The following PAK1 variants were observed in gnomAD, a reference collection of about 807,000 sequenced individuals.
PAK1 encodes the protein serine/threonine-protein kinase PAK 1.
PAK1 carries 29 observed loss-of-function variants against 67.4 expected under a neutral mutation model. That is an observed-to-expected ratio of 0.43 (90% CI 0.32 to 0.59). PAK1 has a LOEUF of 0.59. Among genes scored for constraint, PAK1 ranks in the 20% least tolerant of loss-of-function variants. The pLI, the probability that PAK1 is intolerant of heterozygous loss-of-function variation, is 0.07. For missense variants in PAK1, 337 were observed against 670.7 expected (o/e 0.50, Z 5.50); for synonymous variants, 223 against 237.4 (o/e 0.94, Z 0.56).
At chr11:77,512,070 CTGCTAACA>C in the PAK1 span, among the ~76,000 whole-genome samples, 33 of 152,288 alleles carry the variant, frequency 2.2e-4, no homozygotes, top group South Asian at 4.1e-3. Flanking sequence ...AGAGTCGATA[CTGCTAACA>C]TGGGAAGGGT....
the PAK1 span, among the ~76,000 whole-genome samples, chr11:77,524,141 T>A: frequency 6.6e-6 from 1 of 152,348 alleles, no homozygotes; most frequent in African/African-American, 2.4e-5. Flanking sequence ...TACACCTTTA[T>A]CAAGAAAAGA....
intron 1 of PAK1, among the ~76,000 whole-genome samples, chr11:77,447,466 A>G (rs1216616921): frequency 6.6e-6 from 1 of 152,116 alleles, no homozygotes; most frequent in Admixed American, 6.6e-5. Context: ...GCAGCTTTTC[A>G]TCCCTTTTTA....
the PAK1 span, among the ~76,000 whole-genome samples, chr11:77,498,495 CACAT>C: frequency 6.7e-6 from 1 of 148,732 alleles, no homozygotes; most frequent in African/African-American, 2.6e-5. Flanking sequence ...CACACACACA[CACAT>C]GGTGCCACGG....
chr11:77,343,707 G>T lies in PAK1; in HGVS notation c.998+112C>A, dbSNP rs1235343308. 3 of 705,448 alleles carry T rather than the reference G, an allele frequency of 4.3e-6. No individual in the cohort carries two copies. In the African/African-American group the frequency reaches 5.3e-5, roughly 13 times the overall value. The allele number at this position is 705,448 out of a possible 1,614,324, so 43.7% of individuals were successfully genotyped here. On this transcript the variant is annotated intron_variant, in intron 10 of 14. Coordinates refer to ENST00000356341, the MANE Select transcript of PAK1 (RefSeq NM_002576.5). Reference sequence around the variant, plus strand: ...ATACAGAGAGCTCAGCATCACAGAAGACTCATAAATGGAGGCAGTTCTGAG... The same window carrying T: ...ATACAGAGAGCTCAGCATCACAGAATACTCATAAATGGAGGCAGTTCTGAG...
At chr11:77,450,256 T>C (rs1956796688) in intron 1 of PAK1, among the ~76,000 whole-genome samples, 1 of 152,210 alleles carries the variant, frequency 6.6e-6, no homozygotes, top group Non-Finnish European at 1.5e-5. Flanking sequence ...TGTTTTCTCA[T>C]AACCCTGGAC....
chr11:77,353,824 A>C (rs1945621403), intron 7 of PAK1, among the ~76,000 whole-genome samples: 1 of 152,154 alleles, frequency 6.6e-6, no homozygotes, highest in Non-Finnish European at 1.5e-5. Context: ...CTAAACTCCT[A>C]AAAGTCATTC....
intron 1 of PAK1, among the ~76,000 whole-genome samples, chr11:77,393,003 T>C (rs1291845589): frequency 6.6e-6 from 1 of 152,208 alleles, no homozygotes; most frequent in African/African-American, 2.4e-5. Flanking sequence ...AGTTACACTT[T>C]CCCTCTTGGG....
chr11:77,508,949 C>T, the PAK1 span, among the ~76,000 whole-genome samples: 6 of 144,390 alleles, frequency 4.2e-5, no homozygotes, highest in African/African-American at 5.0e-5. Context: ...CGTGAGCCAC[C>T]GCGCCCGGCC....
rs749891343 is a variant in PAK1 at position 77,392,327 on chromosome 11, A to G, written c.190+4T>C. 6.4e-7 allele frequency: 1 copy of G among 1,562,754 alleles called. No individual in the cohort carries two copies. Among genetic ancestry groups the G allele is most frequent in the South Asian group, 1.2e-5 (1 of 85,644 alleles). On this transcript the variant is annotated splice_donor_region_variant and intron_variant, in intron 2 of 14. Transcript: ENST00000356341. The stretch of plus-strand genomic sequence containing the variant: ...AATGATGAGAAGAAAATCAAATACT[A>G]TACTTTTATCTCCAGGTAAAATGGA...
chr11:77,499,147 A>AG, the PAK1 span, among the ~76,000 whole-genome samples: 285 of 151,984 alleles, frequency 1.9e-3, 1 homozygote, highest in African/African-American at 6.3e-3. Flanking sequence ...AAAAAAAAAA[A>AG]AGAGAAGGAT....
chr11:77,475,262 T>C (rs1157796641), upstream of PAK1: 1 of 152,244 alleles, frequency 6.6e-6, no homozygotes, highest in Non-Finnish European at 1.5e-5. Flanking sequence ...ACACCAAGTC[T>C]TGTAGCTTCT....
intron 1 of PAK1, among the ~76,000 whole-genome samples, chr11:77,459,719 G>C (rs991313021): frequency 2.7e-4 from 39 of 143,386 alleles, no homozygotes; most frequent in Non-Finnish European, 5.0e-4. Context: ...TTGAGACGGA[G>C]TCTCGCTCTT....
intron 1 of PAK1, among the ~76,000 whole-genome samples, chr11:77,436,725 G>A (rs1956145617): frequency 6.6e-6 from 1 of 152,322 alleles, no homozygotes; most frequent in Admixed American, 6.5e-5. Context: ...GCGTGGGAAA[G>A]CACATATGCA....
chr11:77,344,134 T>A (rs536294449), intron 9 of PAK1, among the ~76,000 whole-genome samples: 1 of 152,154 alleles, frequency 6.6e-6, no homozygotes, highest in Admixed American at 6.6e-5. Context: ...TGGGAGCTTG[T>A]TGGAAATAAA....
the PAK1 span, among the ~76,000 whole-genome samples, chr11:77,519,160 G>A: frequency 3.3e-5 from 5 of 152,066 alleles, no homozygotes; most frequent in Admixed American, 1.3e-4. Context: ...ATTTTTTATG[G>A]TTAGTTCATT....
intron 1 of PAK1, among the ~76,000 whole-genome samples, chr11:77,402,666 A>C (rs1239837376): frequency 6.6e-6 from 1 of 152,128 alleles, no homozygotes; most frequent in Non-Finnish European, 1.5e-5. Context: ...GGAAACAATG[A>C]AATCTATCGT....
the PAK1 span, among the ~76,000 whole-genome samples, chr11:77,526,970 A>C: frequency 1.3e-5 from 2 of 151,726 alleles, no homozygotes; most frequent in African/African-American, 4.8e-5. Flanking sequence ...TTTTCTGGAG[A>C]GTGAGACTGG....
chr11:77,381,607 T>C (rs1388462297), intron 2 of PAK1, among the ~76,000 whole-genome samples: 1 of 152,254 alleles, frequency 6.6e-6, no homozygotes, highest in Non-Finnish European at 1.5e-5. Context: ...TTGCCATGTA[T>C]ACAAACCATG....
At chr11:77,417,248 G>C (rs749798538) in intron 1 of PAK1, among the ~76,000 whole-genome samples, 1 of 152,162 alleles carries the variant, frequency 6.6e-6, no homozygotes, top group Non-Finnish European at 1.5e-5. Flanking sequence ...TATCCTTCAA[G>C]ACTGAATGAA....
Sources: allele counts gnomAD v4.1 joint callset (sites outside exome capture counted in the v4.1 genomes callset), GRCh38; gene constraint gnomAD v4.1.1; transcripts MANE v1.5; gene names NCBI Gene and HGNC (gene_info 2026-07-23, HGNC 2026-07-21).